CCSER1: variants seen among roughly 807,000 people sequenced by gnomAD.
CCSER1 encodes the protein serine-rich coiled-coil domain-containing protein 1.
Under a neutral mutation model 82.0 loss-of-function variants are expected in CCSER1, and 41 were observed. The observed-to-expected ratio is 0.50, with a 90% CI of 0.39 to 0.65. The LOEUF (loss-of-function observed/expected upper bound fraction) is 0.65, where lower values mean the gene tolerates loss of function less well. CCSER1 is among the 30% of genes least tolerant of loss of function. The pLI, the probability that CCSER1 is intolerant of heterozygous loss-of-function variation, is 0.00. For synonymous variants in CCSER1, 414 were observed against 383.9 expected (o/e 1.08, Z -0.92); for missense variants, 1,119 against 1,064.2 (o/e 1.05, Z -0.72).
At chr4:90,233,268 A>G (rs2153429522) in intron 1 of CCSER1, among the ~76,000 whole-genome samples, 1 of 152,258 alleles carries the variant, frequency 6.6e-6, no homozygotes, top group East Asian at 1.9e-4. Context: ...TGTGGCACAT[A>G]TACACCATGG....
At position 90,545,830 on chromosome 4, in the gene CCSER1, C is replaced by T. The variant is rs148747459; in HGVS notation, c.1724+77476C>T. 6.6e-5 allele frequency among the ~76,000 whole-genome samples: 10 copies of T among 152,242 alleles called. No individual in the cohort carries two copies. In the East Asian group the frequency reaches 1.2e-3, roughly 18 times the overall value. ...CCCTAAAACATAGTTTCCTTTAAAA[C>T]AAGAATTTCACTGTCAAATACATTT... is the stretch of plus-strand genomic sequence containing the variant. On this transcript the variant is annotated intron_variant, in intron 5 of 10. Transcript: ENST00000509176.
chr4:91,381,367 G>A (rs137885564), intron 10 of CCSER1, among the ~76,000 whole-genome samples: 3,020 of 152,162 alleles, frequency 0.02, 76 homozygotes, highest in African/African-American at 0.067. Flanking sequence ...CATTCTCCCC[G>A]TCACTTTCAG....
At chr4:90,355,321 A>G (rs1744195911) in intron 3 of CCSER1, among the ~76,000 whole-genome samples, 1 of 152,036 alleles carries the variant, frequency 6.6e-6, no homozygotes, top group Non-Finnish European at 1.5e-5. Context: ...AAAAGAAAGA[A>G]AAAGAAAGAA....
intron 10 of CCSER1, among the ~76,000 whole-genome samples, chr4:91,514,995 T>A (rs73837635): frequency 5.9e-5 from 9 of 152,082 alleles, no homozygotes; most frequent in African/African-American, 1.9e-4. Flanking sequence ...CAGGTTAAGC[T>A]TATCAAAAAA....
chr4:90,147,004 C>A (rs79084883), intron 1 of CCSER1, among the ~76,000 whole-genome samples: 1 of 151,956 alleles, frequency 6.6e-6, no homozygotes, highest in Non-Finnish European at 1.5e-5. Flanking sequence ...CTTCAGGCTA[C>A]GACTTGTATT....
chr4:90,883,925 A>AT lies in CCSER1; in HGVS notation c.2095-39444dup, dbSNP rs545893287. 9.6e-3 allele frequency among the ~76,000 whole-genome samples: 1,457 copies of AT among 152,310 alleles called. 24 individuals are homozygous for AT. Among genetic ancestry groups the AT allele is most frequent in the African/African-American group, 0.033 (1,390 of 41,576 alleles). On this transcript the variant is annotated intron_variant, in intron 8 of 10. Coordinates refer to ENST00000509176, the MANE Select transcript of CCSER1 (RefSeq NM_001145065.2). ...TAGAAATTGTTGAAGAGCTAAAATC[A>AT]TCAGAGATTGGTGACTAATTAGAGA...
chr4:91,363,103 C>CA (rs1465884540), intron 10 of CCSER1, among the ~76,000 whole-genome samples: 1 of 151,478 alleles, frequency 6.6e-6, no homozygotes, highest in African/African-American at 2.4e-5. Flanking sequence ...TACAAATTTT[C>CA]ATTCGTGAGT....
At chr4:90,165,583 A>G (rs77722351) in intron 1 of CCSER1, among the ~76,000 whole-genome samples, 1 of 152,078 alleles carries the variant, frequency 6.6e-6, no homozygotes, top group East Asian at 1.9e-4. Context: ...AACAATAAAT[A>G]AGAACTCTCT....
intron 5 of CCSER1, among the ~76,000 whole-genome samples, chr4:90,602,041 T>C (rs901337649): frequency 6.6e-6 from 1 of 152,180 alleles, no homozygotes; most frequent in Non-Finnish European, 1.5e-5. Context: ...TGGAGTGGTC[T>C]ATAAATTTCT....
chr4:90,488,213 G>A (rs1051650395), intron 5 of CCSER1, among the ~76,000 whole-genome samples: 3 of 151,528 alleles, frequency 2.0e-5, no homozygotes, highest in Non-Finnish European at 2.9e-5. Context: ...ACGGAGTCTC[G>A]CTCTGTTGCC....
chr4:90,534,961 T>A (rs1560676945), intron 5 of CCSER1, among the ~76,000 whole-genome samples: 1 of 152,164 alleles, frequency 6.6e-6, no homozygotes, highest in Admixed American at 6.5e-5. Context: ...ATCTACTGAA[T>A]CAGAATCTGT....
chr4:90,170,404 C>G (rs1560735770), intron 1 of CCSER1, among the ~76,000 whole-genome samples: 2 of 142,092 alleles, frequency 1.4e-5, no homozygotes, highest in African/African-American at 5.1e-5. Context: ...AACAGCTAAC[C>G]TTTTTTTTTT....
intron 10 of CCSER1, among the ~76,000 whole-genome samples, chr4:91,408,041 TA>T (rs563018199): frequency 2.7e-4 from 39 of 145,630 alleles, no homozygotes; most frequent in South Asian, 6.5e-4. Flanking sequence ...TCCAGGCCAG[TA>T]AAAAAAAAAG....
At chr4:91,066,325 G>A (rs1163819880) in intron 9 of CCSER1, among the ~76,000 whole-genome samples, 1 of 152,190 alleles carries the variant, frequency 6.6e-6, no homozygotes, top group Non-Finnish European at 1.5e-5. Flanking sequence ...TGAGTCAACT[G>A]TTGCCAAATG....
At chr4:90,534,798 C>T (rs1775109900) in intron 5 of CCSER1, among the ~76,000 whole-genome samples, 1 of 152,150 alleles carries the variant, frequency 6.6e-6, no homozygotes. Flanking sequence ...GTAATTGCTA[C>T]TGAAGTTAAT....
At chr4:91,432,809 A>C (rs1040482555) in intron 10 of CCSER1, among the ~76,000 whole-genome samples, 1 of 152,132 alleles carries the variant, frequency 6.6e-6, no homozygotes, top group African/African-American at 2.4e-5. Flanking sequence ...CGTTTTAAAA[A>C]AGTTGATTGT....
At chr4:91,061,933 G>A (rs1743991262) in intron 9 of CCSER1, among the ~76,000 whole-genome samples, 1 of 151,906 alleles carries the variant, frequency 6.6e-6, no homozygotes, top group South Asian at 2.1e-4. Context: ...TTTAGGTGGG[G>A]TGGTAACTCC....
chr4:91,288,355 T>A (rs1743481418), intron 10 of CCSER1, among the ~76,000 whole-genome samples: 1 of 151,840 alleles, frequency 6.6e-6, no homozygotes, highest in Non-Finnish European at 1.5e-5. Flanking sequence ...CCAACTAACC[T>A]GTACATAAGT....
At chr4:90,134,180 A>G (rs1360677341) in intron 1 of CCSER1, among the ~76,000 whole-genome samples, 1 of 152,198 alleles carries the variant, frequency 6.6e-6, no homozygotes, top group African/African-American at 2.4e-5. Context: ...TCTCTGTTCT[A>G]TGGTCTGCTA....
Sources: gnomAD v4.1 joint callset for allele counts (sites outside exome capture counted in the v4.1 genomes callset) on GRCh38, gnomAD v4.1.1 for gene constraint, MANE v1.5 for transcripts, NCBI Gene and HGNC (gene_info 2026-07-23, HGNC 2026-07-21) for gene names.